The following SOX5 variants were observed in gnomAD, a reference collection of about 807,000 sequenced individuals.
SOX5 encodes transcription factor SOX-5.
A neutral mutation model predicts 92.0 loss-of-function variants in SOX5; 9 were observed. The observed-to-expected ratio is 0.10, with a 90% confidence interval of 0.06 to 0.17. The LOEUF is 0.17. Among genes scored for constraint, SOX5 ranks in the 10% least tolerant of loss-of-function variants. The probability of loss-of-function intolerance (pLI) is 1.00; values close to 1 mark genes in which losing one functional copy is unlikely to be tolerated. For synonymous variants in SOX5, 344 were observed against 336.3 expected (o/e 1.02, Z -0.25); for missense variants, 642 against 944.5 (o/e 0.68, Z 4.20).
intron 3 of SOX5, among the ~76,000 whole-genome samples, chr12:24,243,031 G>C (rs74068465): frequency 0.017 from 2,628 of 152,142 alleles, 67 homozygotes; most frequent in African/African-American, 0.06. Context: ...ATAGCAAGAG[G>C]ATATTAAACA....
intron 4 of SOX5, among the ~76,000 whole-genome samples, chr12:23,957,666 A>G (rs1045003814): frequency 1.3e-5 from 2 of 152,184 alleles, no homozygotes; most frequent in African/African-American, 2.4e-5. Flanking sequence ...TTCCATATAG[A>G]CAACTTGCTT....
intron 1 of SOX5, among the ~76,000 whole-genome samples, chr12:24,550,098 T>A (rs1435519343): frequency 6.6e-6 from 1 of 152,262 alleles, no homozygotes; most frequent in African/African-American, 2.4e-5. Context: ...TATGCTACTT[T>A]GAGCAAGCTC....
At chr12:24,205,517 A>G (rs1957934409) in intron 4 of SOX5, among the ~76,000 whole-genome samples, 1 of 152,164 alleles carries the variant, frequency 6.6e-6, no homozygotes, top group Non-Finnish European at 1.5e-5. Flanking sequence ...AGATCATGAT[A>G]AAAGGGAGTT....
intron 1 of SOX5, among the ~76,000 whole-genome samples, chr12:24,420,523 T>G (rs906823153): frequency 6.6e-6 from 1 of 152,326 alleles, no homozygotes; most frequent in Admixed American, 6.5e-5. Flanking sequence ...AAGGAATTAC[T>G]TGGTTACTTT....
At chr12:23,947,092 A>G (rs1161349694) in intron 1 of SOX5, among the ~76,000 whole-genome samples, 1 of 151,982 alleles carries the variant, frequency 6.6e-6, no homozygotes, top group Non-Finnish European at 1.5e-5. Flanking sequence ...CAGGCTGGGA[A>G]GAATAAAAGA....
In SOX5 at chr12:23,628,458, A is replaced by T. The variant is rs567925368; in HGVS notation, c.1017+12354T>A. On this transcript the variant is annotated intron_variant, in intron 8 of 14. Coordinates refer to ENST00000451604, the MANE Select transcript of SOX5 (RefSeq NM_006940.6). ...CTAACACTATTACTTTTAAAATTATATGTTGAAGAAGTTCTAGTAGTAGAG... is the reference window on the plus strand; with the variant it reads ...CTAACACTATTACTTTTAAAATTATTTGTTGAAGAAGTTCTAGTAGTAGAG... Among the ~76,000 whole-genome samples, 18 of 152,216 alleles carry T rather than the reference A, an allele frequency of 1.2e-4. 1 individual carries two copies. In the East Asian group the frequency reaches 1.9e-3, roughly 16 times the overall value.
chr12:24,308,807 C>T (rs901085846), intron 2 of SOX5, among the ~76,000 whole-genome samples: 4 of 152,158 alleles, frequency 2.6e-5, no homozygotes, highest in African/African-American at 4.8e-5. Flanking sequence ...GAAGCTGAAA[C>T]GTCTACCTAT....
chr12:24,339,921 T>TC (rs1223447518), intron 2 of SOX5, among the ~76,000 whole-genome samples: 6 of 152,168 alleles, frequency 3.9e-5, no homozygotes, highest in African/African-American at 2.4e-5. Context: ...CAGGGTATTA[T>TC]CCCCCCTGGC....
intron 6 of SOX5, among the ~76,000 whole-genome samples, chr12:23,677,424 C>T (rs149852446): frequency 6.6e-6 from 1 of 152,218 alleles, no homozygotes; most frequent in East Asian, 1.9e-4. Flanking sequence ...CAAATTGAGA[C>T]ACTGTGTGCC....
intron 4 of SOX5, among the ~76,000 whole-genome samples, chr12:23,987,116 G>A (rs1950130037): frequency 1.3e-5 from 2 of 152,168 alleles, no homozygotes; most frequent in African/African-American, 2.4e-5. Flanking sequence ...CACTACTCTA[G>A]AAGATGTGAC....
chr12:24,068,048 G>A (rs1289714746), intron 4 of SOX5, among the ~76,000 whole-genome samples: 1 of 152,222 alleles, frequency 6.6e-6, no homozygotes, highest in Non-Finnish European at 1.5e-5. Flanking sequence ...GGGAGGCTGA[G>A]GCAGGAGAAT....
chr12:23,920,258 T>C (rs926824701), intron 1 of SOX5: 17 of 152,244 alleles, frequency 1.1e-4, no homozygotes, highest in African/African-American at 3.9e-4. Context: ...TAATAATAGT[T>C]GCCTTTTGTT....
chr12:23,701,464 A>C (rs1195208280), intron 6 of SOX5, among the ~76,000 whole-genome samples: 1 of 152,064 alleles, frequency 6.6e-6, no homozygotes, highest in African/African-American at 2.4e-5. Flanking sequence ...CACCATAAAC[A>C]TAATAATGGA....
intron 3 of SOX5, among the ~76,000 whole-genome samples, chr12:23,825,977 A>G (rs1468543210): frequency 6.6e-6 from 1 of 152,158 alleles, no homozygotes; most frequent in African/African-American, 2.4e-5. Context: ...AGGCTGTGTC[A>G]AAGAAAATGA....
intron 3 of SOX5, among the ~76,000 whole-genome samples, chr12:23,784,519 G>T (rs2095343339): frequency 6.6e-6 from 1 of 151,976 alleles, no homozygotes; most frequent in Non-Finnish European, 1.5e-5. Context: ...GTAGAGACAG[G>T]GTCTCACCGT....
At chr12:24,073,894 C>T (rs1014523669) in intron 4 of SOX5, among the ~76,000 whole-genome samples, 25 of 152,026 alleles carry the variant, frequency 1.6e-4, no homozygotes, top group Non-Finnish European at 2.8e-4. Context: ...TAATCTTGCT[C>T]CCAGTTTTTG....
chr12:23,979,696 A>ATTTTT (rs1248234590), intron 4 of SOX5, among the ~76,000 whole-genome samples: 3 of 27,428 alleles, frequency 1.1e-4, no homozygotes, highest in African/African-American at 2.1e-4. Context: ...ATATATATAT[A>ATTTTT]TGTTTTTTTT....
intron 11 of SOX5, among the ~76,000 whole-genome samples, chr12:23,551,195 A>G (rs937985773): frequency 6.6e-6 from 1 of 151,976 alleles, no homozygotes; most frequent in African/African-American, 2.4e-5. Flanking sequence ...ATGGTCTTCT[A>G]CTATATTAAC....
At chr12:24,381,318 T>C (rs1429452617) in intron 1 of SOX5, among the ~76,000 whole-genome samples, 2 of 152,226 alleles carry the variant, frequency 1.3e-5, no homozygotes, top group African/African-American at 4.8e-5. Flanking sequence ...GTTGATAGAT[T>C]TTAGAATGTT....
Sources: allele counts gnomAD v4.1 joint callset (sites outside exome capture counted in the v4.1 genomes callset), GRCh38; gene constraint gnomAD v4.1.1; transcripts MANE v1.5; gene names NCBI Gene and HGNC (gene_info 2026-07-23, HGNC 2026-07-21).